CYP20A1: variants seen among roughly 807,000 people sequenced by gnomAD.
CYP20A1 encodes the protein cytochrome P450 20A1.
CYP20A1 carries 61 observed loss-of-function variants against 61.4 expected under a neutral mutation model. That is an observed-to-expected ratio of 0.99 (90% CI 0.81 to 1.23). The LOEUF (loss-of-function observed/expected upper bound fraction) is 1.23. Among genes scored for constraint, CYP20A1 ranks in the 50% most tolerant of loss-of-function variants. The pLI, the probability that CYP20A1 is intolerant of heterozygous loss-of-function variation, is 0.00. For synonymous variants in CYP20A1, 193 were observed against 188.2 expected (o/e 1.03, Z -0.21); for missense variants, 530 against 542.4 (o/e 0.98, Z 0.23).
At position 203,289,862 on chromosome 2, in the gene CYP20A1, A is replaced by G. The variant is rs1255368246; in HGVS notation, c.1069A>G (p.Ile357Val). The G allele has an allele frequency of 1.3e-6, 2 of 1,566,068 alleles. No individual in the cohort carries two copies. Among genetic ancestry groups the G allele is most frequent in the South Asian group, 1.2e-5 (1 of 86,576 alleles). The change falls in exon 10 of 13, where the codon ATT becomes GTT. Residue 357 changes from isoleucine (I) to valine (V), a missense_variant. Physicochemically the swap from Ile to Val is conservative, Grantham distance 29. Coordinates refer to ENST00000356079, the MANE Select transcript of CYP20A1 (RefSeq NM_177538.3). ...TATTGAAGGAAAAATTGACCGATTT[A>G]TTATTCCTAGAGAGGTAGAAAACCT... Reference protein sequence around the residue: ...QDIEGKIDRFIIPRETLVLYA... With the variant: ...QDIEGKIDRFVIPRETLVLYA...
intron 5 of CYP20A1, among the ~76,000 whole-genome samples, chr2:203,272,362 G>A (rs2067635942): frequency 6.6e-6 from 1 of 151,880 alleles, no homozygotes; most frequent in African/African-American, 2.4e-5. Flanking sequence ...GAGAAACATG[G>A]TGAAACCCGT....
At position 203,248,706 on chromosome 2, in the gene CYP20A1, A is replaced by G. The variant is rs2066550624; in HGVS notation, c.289+1785A>G. ...AGCTATTTGTAAAAAATAAATCTCA[A>G]TCCCTGCCTTATTCTATTCCCCCCG... is the stretch of plus-strand genomic sequence containing the variant. On this transcript the variant is annotated intron_variant, in intron 3 of 12. Coordinates refer to ENST00000356079, the MANE Select transcript of CYP20A1 (RefSeq NM_177538.3). 1.3e-5 allele frequency among the ~76,000 whole-genome samples: 2 copies of G among 152,120 alleles called. 1 individual carries two copies. Among genetic ancestry groups the G allele is most frequent in the South Asian group, 4.1e-4 (2 of 4,826 alleles).
intron 4 of CYP20A1, among the ~76,000 whole-genome samples, chr2:203,258,667 C>T (rs2067013229): frequency 6.6e-6 from 1 of 152,214 alleles, no homozygotes; most frequent in Non-Finnish European, 1.5e-5. Context: ...TATCAGGAGG[C>T]TTGTGCACCC....
intron 4 of CYP20A1, among the ~76,000 whole-genome samples, chr2:203,261,602 A>AC (rs2067139482): frequency 3.7e-5 from 1 of 26,932 alleles, no homozygotes; most frequent in Non-Finnish European, 8.0e-5. Context: ...CTCCTTTGTC[A>AC]CCTAAAAAAA....
chr2:203,266,409 G>T lies in CYP20A1; in HGVS notation c.433-105G>T, dbSNP rs572939281. 386 of 966,530 alleles carry T rather than the reference G, an allele frequency of 4.0e-4. 1 individual carries two copies. The African/African-American group carries it at 6.0e-3, about 15-fold the overall frequency. The allele number at this position is 966,530 out of a possible 1,614,324, so 59.9% of individuals were successfully genotyped here. A position where few individuals can be genotyped will look rare whatever the true frequency, so the allele number is the denominator to read the frequency against. The stretch of plus-strand genomic sequence containing the variant: ...GATTCGTACCTGAATGTTGACTTTG[G>T]TTACAGAGTTTAACTGTTTGCCATT... On this transcript the variant is annotated intron_variant, in intron 4 of 12. Transcript: ENST00000356079.
At position 203,251,917 on chromosome 2, in the gene CYP20A1, C is replaced by A. The variant is rs776220770; in HGVS notation, c.290-50C>A. On this transcript the variant is annotated intron_variant, in intron 3 of 12. Transcript: ENST00000356079. ...GATCTCTTGTTCTCTTACAGGGTAT[C>A]TTTTTGAGTGATTATTTTGATACAG... 13 of 1,447,560 alleles carry A rather than the reference C, an allele frequency of 9.0e-6. No individual in the cohort carries two copies. In the South Asian group the frequency reaches 2.0e-4, roughly 22 times the overall value. The allele number at this position is 1,447,560 out of a possible 1,614,324, so 89.7% of individuals were successfully genotyped here.
rs968320644 is a variant in CYP20A1, at chr2:203,303,918, C to T, written c.*7010C>T. ...AACTTATTGAGAGAATAATATACCA[C>T]TAATATTTAAAGAAATTTTTGGCTG... On this transcript the variant is annotated 3_prime_UTR_variant, in exon 13 of 13. Transcript: ENST00000356079. 6.7e-6 allele frequency among the ~76,000 whole-genome samples: 1 copy of T among 149,246 alleles called. No homozygotes were observed. Among genetic ancestry groups the T allele is most frequent in the African/African-American group, 2.5e-5 (1 of 40,604 alleles).
chr2:203,243,972 A>G (rs553776908), intron 1 of CYP20A1, among the ~76,000 whole-genome samples: 1 of 152,116 alleles, frequency 6.6e-6, no homozygotes, highest in Non-Finnish European at 1.5e-5. Flanking sequence ...TTATCGATGC[A>G]AGCCACCACA....
At chr2:203,289,954 A>T (rs114407963) in intron 10 of CYP20A1, 78 bp downstream of exon 10, 61,824 of 565,306 alleles carry the variant, frequency 0.11, 4,447 homozygotes, top group Non-Finnish European at 0.13. Context: ...ATATATATAT[A>T]TTTTAGACAG....
chr2:203,244,082 T>A (rs2066361207), intron 1 of CYP20A1, among the ~76,000 whole-genome samples: 1 of 152,010 alleles, frequency 6.6e-6, no homozygotes, highest in African/African-American at 2.4e-5. Flanking sequence ...CCACGTTACC[T>A]CCTATTACTG....
At chr2:203,269,494 GTTC>G (rs2067472076) in intron 5 of CYP20A1, among the ~76,000 whole-genome samples, 1 of 121,926 alleles carries the variant, frequency 8.2e-6, no homozygotes, top group Non-Finnish European at 1.7e-5. Context: ...GAAATATATA[GTTC>G]TTTTTTTTTT....
At chr2:203,244,029 C>T (rs1376429763) in intron 1 of CYP20A1, among the ~76,000 whole-genome samples, 4 of 152,008 alleles carry the variant, frequency 2.6e-5, no homozygotes, top group Admixed American at 6.6e-5. Context: ...GAGATAATTT[C>T]CAGACCACCC....
chr2:203,269,788 C>A (rs1024357048), intron 5 of CYP20A1, among the ~76,000 whole-genome samples: 1 of 152,006 alleles, frequency 6.6e-6, no homozygotes, highest in African/African-American at 2.4e-5. Flanking sequence ...GTCACCACGC[C>A]CAGGTAATTT....
At position 203,297,173 on chromosome 2, in the gene CYP20A1, A is replaced by G. The variant is rs985580215; in HGVS notation, c.*265A>G. Reference sequence around the variant, plus strand: ...TTGTTTTTTCACTTTCTATGCCATTATTTTTGTATTCTTTTTCTTAGTGTG... The same window carrying G: ...TTGTTTTTTCACTTTCTATGCCATTGTTTTTGTATTCTTTTTCTTAGTGTG... On this transcript the variant is annotated 3_prime_UTR_variant, in exon 13 of 13. Transcript: ENST00000356079. The G allele has an allele frequency of 2.6e-5, 6 of 227,192 alleles. No homozygotes were observed. Among genetic ancestry groups the G allele is most frequent in the Admixed American group, 5.2e-5 (1 of 19,280 alleles). The allele number at this position is 227,192 out of a possible 1,614,324, so 14.1% of individuals were successfully genotyped here. A position where few individuals can be genotyped will look rare whatever the true frequency, so the allele number is the denominator to read the frequency against.
chr2:203,271,082 A>ATATATTTTT (rs1178482961), intron 5 of CYP20A1, among the ~76,000 whole-genome samples: 13 of 31,644 alleles, frequency 4.1e-4, no homozygotes, highest in Admixed American at 1.3e-3. Context: ...ATATATATAT[A>ATATATTTTT]TTTTTTTTTT....
chr2:203,285,819 A>G (rs2152102907), intron 9 of CYP20A1, 87 bp downstream of exon 9: 1 of 1,244,930 alleles, frequency 8.0e-7, no homozygotes, highest in East Asian at 2.6e-5. Context: ...TATCTAGGAA[A>G]GCTACATATT....
rs868435170 is a variant in CYP20A1, at chr2:203,298,533, C to A, written c.*1625C>A. Among the ~76,000 whole-genome samples, 476 of 124,208 alleles carry A rather than the reference C, an allele frequency of 3.8e-3. No individual in the cohort carries two copies. Among genetic ancestry groups the A allele is most frequent in the Non-Finnish European group, 4.6e-3 (283 of 61,232 alleles). The allele number at this position is 124,208 out of a possible 152,430, so 81.5% of individuals were successfully genotyped here. A position where few individuals can be genotyped will look rare whatever the true frequency, so the allele number is the denominator to read the frequency against. On this transcript the variant is annotated 3_prime_UTR_variant, in exon 13 of 13. Transcript: ENST00000356079. ...TGAAACCCCGTCTCTACTAAAAATA[C>A]AAAAAAAAAAAAAAAAAATTAGCCA...
At chr2:203,247,625 G>A (rs1198795779) in intron 3 of CYP20A1, among the ~76,000 whole-genome samples, 7 of 151,534 alleles carry the variant, frequency 4.6e-5, no homozygotes, top group Non-Finnish European at 1.0e-4. Context: ...TTGGGAGGCC[G>A]AAGCAGGTGG....
At chr2:203,260,066 A>G (rs1347613882) in intron 4 of CYP20A1, among the ~76,000 whole-genome samples, 2 of 151,118 alleles carry the variant, frequency 1.3e-5, no homozygotes, top group East Asian at 4.0e-4. Context: ...AGCTGGGATT[A>G]CAGGCACCGA....
Sources: allele counts gnomAD v4.1 joint callset (sites outside exome capture counted in the v4.1 genomes callset), GRCh38; gene constraint gnomAD v4.1.1; transcripts MANE v1.5; gene names NCBI Gene and HGNC (gene_info 2026-07-23, HGNC 2026-07-21).